The following AK1 variants were observed in gnomAD, a reference collection of about 807,000 sequenced individuals.
The protein encoded by AK1 is adenylate kinase isoenzyme 1.
In AK1, 13 loss-of-function variants were observed where a neutral mutation model predicts 23.9. That is an observed-to-expected ratio of 0.54 (90% confidence interval 0.35 to 0.86). AK1 has a LOEUF of 0.86. AK1 is among the 40% of genes least tolerant of loss of function. AK1 has a pLI of 0.01. For missense variants in AK1, 214 were observed against 255.1 expected (o/e 0.84, Z 1.10); for synonymous variants, 97 against 102.8 (o/e 0.94, Z 0.34).
chr9:127,873,693 A>G, intron 2 of AK1: 1 of 1,353,988 alleles, frequency 7.4e-7, no homozygotes, highest in Non-Finnish European at 9.4e-7. Flanking sequence ...CCACAGCCCC[A>G]CTGGGCAGAG....
At chr9:127,878,891 G>A (rs898363577), upstream of AK1, among the ~76,000 whole-genome samples, 16 of 152,116 alleles carry the variant, frequency 1.1e-4, no homozygotes, top group Non-Finnish European at 2.9e-5. Flanking sequence ...TGGCACCTTT[G>A]GGGAAAGCAA....
At chr9:127,870,200 C>T (rs1295574756) in intron 5 of AK1, among the ~76,000 whole-genome samples, 26 of 122,286 alleles carry the variant, frequency 2.1e-4, no homozygotes, top group South Asian at 5.2e-4. Context: ...AGGGTGGGGA[C>T]TTTTTTTTTT....
rs943378916 is a variant in AK1 at position 127,873,796 on chromosome 9, G to C, written c.8-735C>G. 3.0e-6 allele frequency: 3 copies of C among 985,306 alleles called. No individual in the cohort carries two copies. The African/African-American group carries it at 5.2e-5, about 17-fold the overall frequency. 61.0% of individuals were successfully genotyped at this position (985,306 alleles called of 1,614,324 possible). On this transcript the variant is annotated intron_variant, in intron 2 of 6. Coordinates refer to ENST00000644144, the MANE Select transcript of AK1 (RefSeq NM_000476.3). ...CCCCACTGGGCTTTCAGGCTCCCCC[G>C]CTTCCCAGGGAAATAGAGGACCAGG...
rs1447195702 is a variant in AK1, at chr9:127,871,092, G to A, written c.324+731C>T. ...TATCCACTGCCGTGTGTGTGCATGT[G>A]TGCACATGCCCCTGGCCTTGTGTGT... On this transcript the variant is annotated intron_variant, in intron 5 of 6. Coordinates refer to ENST00000644144, the MANE Select transcript of AK1 (RefSeq NM_000476.3). This position sits in a 1 kb window ranked among gnomAD's most constrained non-coding sequence, Gnocchi z 4.4. Among the ~76,000 whole-genome samples the A allele has an allele frequency of 6.6e-6, 1 of 151,830 alleles. No homozygotes were observed. Among genetic ancestry groups the A allele is most frequent in the African/African-American group, 2.4e-5 (1 of 41,068 alleles).
chr9:127,868,765 C>T lies in AK1; in HGVS notation c.325-253G>A, dbSNP rs917814589. On this transcript the variant is annotated intron_variant, in intron 5 of 6. Coordinates refer to ENST00000644144, the MANE Select transcript of AK1 (RefSeq NM_000476.3). This position sits in a 1 kb window ranked among gnomAD's most constrained non-coding sequence, Gnocchi z 4.1. ...GACTGAGAGAGCCTGACTCTCTCTG[C>T]TCTAGGCTCTCATCAACCTCCTTCC... 1.3e-5 allele frequency among the ~76,000 whole-genome samples: 2 copies of T among 152,196 alleles called. No individual in the cohort carries two copies. Among genetic ancestry groups the T allele is most frequent in the African/African-American group, 4.8e-5 (2 of 41,434 alleles).
rs553420592 is a variant in AK1, at chr9:127,869,330, A to G, written c.325-818T>C. On this transcript the variant is annotated intron_variant, in intron 5 of 6. Transcript: ENST00000644144. ...CTTCAAACCCTGTCTCCTGCTTCCA[A>G]CTGCCTGGGCCAGCCCCCAAGGGTT... 2.7e-4 allele frequency: 42 copies of G among 153,142 alleles called. No individual in the cohort carries two copies. In the South Asian group the frequency reaches 8.5e-3, roughly 31 times the overall value. The allele number at this position is 153,142 out of a possible 1,614,324, so 9.5% of individuals were successfully genotyped here.
Position 127,868,222 on chromosome 9 carries a change from C to T in AK1, c.516+99G>A, listed in dbSNP as rs1441822507. ...ATTGAACCAGTGGGGAAACCAAGGC[C>T]CAGAGAGAGGGGCTGGCCTGAGGCC... On this transcript the variant is annotated intron_variant, in intron 6 of 6. Transcript: ENST00000644144. This position sits in a 1 kb window ranked among gnomAD's most constrained non-coding sequence, Gnocchi z 4.1. The T allele has an allele frequency of 6.9e-7, 1 of 1,458,274 alleles. No homozygotes were observed. The highest frequency in any genetic ancestry group is 9.4e-7 in the Non-Finnish European group (1 of 1,062,542). 90.3% of individuals were successfully genotyped at this position (1,458,274 alleles called of 1,614,324 possible).
intron 5 of AK1, among the ~76,000 whole-genome samples, chr9:127,870,823 CAT>C (rs1564472190): frequency 1.4e-5 from 2 of 142,492 alleles, no homozygotes; most frequent in South Asian, 2.3e-4. Flanking sequence ...GGGAATGGGG[CAT>C]GGGAATGGGG....
At chr9:127,873,747 A>G in intron 2 of AK1, 1 of 985,426 alleles carries the variant, frequency 1.0e-6, no homozygotes, top group Non-Finnish European at 1.2e-6. Context: ...AAGGGATGTC[A>G]GAACCAAAAC....
At position 127,868,366 on chromosome 9, in the gene AK1, T is replaced by C; in HGVS notation, c.471A>G (p.Thr157=). The C allele has an allele frequency of 6.2e-7, 1 of 1,610,754 alleles. No individual in the cohort carries two copies. Among genetic ancestry groups the C allele is most frequent in the Non-Finnish European group, 8.5e-7 (1 of 1,178,740 alleles). Residue 157 remains threonine, a synonymous_variant, in exon 6 of 7, where the codon ACA becomes ACG. Transcript: ENST00000644144. The surrounding 1 kb of genome is among the most constrained non-coding windows in gnomAD (Gnocchi z 4.1). ...TCTCATAGAAGGCGATGACAGGTTC[T>C]GTGGCCTTGTAATAGGTCTCCAGCC... ...KKRLETYYKA[T]EPVIAFYEKR...
rs778822857 is a variant in AK1 at position 127,868,274 on chromosome 9, T to C, written c.516+47A>G. The C allele has an allele frequency of 2.6e-6, 4 of 1,540,838 alleles. No homozygotes were observed. The South Asian group carries it at 3.6e-5, about 14-fold the overall frequency. ...CACAGTGAGCTGAGGCGGAGCCACA[T>C]AGGAACCCGTTCTTCCCGGAGCTGC... On this transcript the variant is annotated intron_variant, in intron 6 of 6. Coordinates refer to ENST00000644144, the MANE Select transcript of AK1 (RefSeq NM_000476.3). This position sits in a 1 kb window ranked among gnomAD's most constrained non-coding sequence, Gnocchi z 4.1.
downstream of AK1, chr9:127,866,485 C>T (rs1280367741): frequency 6.6e-6 from 1 of 152,248 alleles, no homozygotes; most frequent in Non-Finnish European, 1.5e-5. Flanking sequence ...ATAGATTCAC[C>T]TTTTATAACT....
chr9:127,874,694 CCT>C, intron 1 of AK1, 45 bp from the exon 2 acceptor site: 2 of 1,585,930 alleles, frequency 1.3e-6, no homozygotes, highest in Non-Finnish European at 1.7e-6. Flanking sequence ...TCCTCCTCAC[CCT>C]GACTCACCTT....
In AK1 at chr9:127,873,657, C is replaced by A. The variant is rs1006581601; in HGVS notation, c.8-596G>T. The stretch of plus-strand genomic sequence containing the variant: ...GCTTGGCTCCAACCTCTGTCTCGTC[C>A]CGCCTGCTGTTAGATCCCAGCAAGG... On this transcript the variant is annotated intron_variant, in intron 2 of 6. Transcript: ENST00000644144. 1.1e-5 allele frequency: 15 copies of A among 1,390,730 alleles called. No homozygotes were observed. The East Asian group carries it at 3.7e-4, about 34-fold the overall frequency. The allele number at this position is 1,390,730 out of a possible 1,614,324, so 86.1% of individuals were successfully genotyped here. A position where few individuals can be genotyped will look rare whatever the true frequency, so the allele number is the denominator to read the frequency against.
Position 127,874,744 on chromosome 9 carries a change from G to T in AK1, c.-32-95C>A, listed in dbSNP as rs1457257513. 6.4e-6 allele frequency: 8 copies of T among 1,248,482 alleles called. No individual in the cohort carries two copies. The Admixed American group carries it at 7.5e-5, about 12-fold the overall frequency. The allele number at this position is 1,248,482 out of a possible 1,614,324, so 77.3% of individuals were successfully genotyped here. A position where few individuals can be genotyped will look rare whatever the true frequency, so the allele number is the denominator to read the frequency against. On this transcript the variant is annotated intron_variant, in intron 1 of 6. Transcript: ENST00000644144. ...ACCCAAGGCAACTGGTGTGTGCCAG[G>T]CCCGACATGCAGTCTGAGGGCAGAG... is the stretch of plus-strand genomic sequence containing the variant.
upstream of AK1, among the ~76,000 whole-genome samples, chr9:127,878,084 G>A (rs543245168): frequency 6.6e-6 from 1 of 152,304 alleles, no homozygotes; most frequent in Admixed American, 6.5e-5. Context: ...CAGGGAGCGA[G>A]AGGGCTGAGG....
chr9:127,877,806 AC>A (rs1829576428), upstream of AK1: 1 of 151,970 alleles, frequency 6.6e-6, no homozygotes, highest in Non-Finnish European at 1.5e-5. The surrounding 1 kb of genome is among the most constrained non-coding windows in gnomAD (Gnocchi z 5.2). Flanking sequence ...GCGGGGCGGG[AC>A]CGAGCCCGAG....
Position 127,867,956 on chromosome 9 carries a change from A to G in AK1, c.*52T>C. ...TGCGCTCAGGCCAGGAGGACCTCGA[A>G]TCAGGACGGGGTGGGGCGGGGCTCT... is the stretch of plus-strand genomic sequence containing the variant. On this transcript the variant is annotated 3_prime_UTR_variant, in exon 7 of 7. Coordinates refer to ENST00000644144, the MANE Select transcript of AK1 (RefSeq NM_000476.3). The G allele has an allele frequency of 3.1e-6, 5 of 1,589,984 alleles. No individual in the cohort carries two copies. The highest frequency in any genetic ancestry group is 4.3e-6 in the Non-Finnish European group (5 of 1,158,192).
Position 127,868,292 on chromosome 9 carries a change from G to A in AK1, c.516+29C>T, listed in dbSNP as rs367901833. 10,320 of 1,555,086 alleles carry A rather than the reference G, an allele frequency of 6.6e-3. 58 individuals carry two copies. The highest frequency in any genetic ancestry group is 8.3e-3 in the Non-Finnish European group (9,525 of 1,149,324). On this transcript the variant is annotated intron_variant, in intron 6 of 6. Coordinates refer to ENST00000644144, the MANE Select transcript of AK1 (RefSeq NM_000476.3). The surrounding 1 kb of genome is among the most constrained non-coding windows in gnomAD (Gnocchi z 4.1). ...AGCCACATAGGAACCCGTTCTTCCCGGAGCTGCCCCTGGGCCCGCGGGGCC... is the reference window on the plus strand; with the variant it reads ...AGCCACATAGGAACCCGTTCTTCCCAGAGCTGCCCCTGGGCCCGCGGGGCC...
Sources: gnomAD v4.1 joint callset for allele counts (sites outside exome capture counted in the v4.1 genomes callset) on GRCh38, gnomAD v4.1.1 for gene constraint, Gnocchi (gnomAD v3.1) non-coding constraint, MANE v1.5 for transcripts, NCBI Gene and HGNC (gene_info 2026-07-23, HGNC 2026-07-21) for gene names.